Variants in MORN1 observed in about 807,000 individuals in gnomAD.
MORN1 encodes the protein MORN repeat containing 1.
In MORN1, 67 loss-of-function variants were observed where a neutral mutation model predicts 61.9. The observed-to-expected ratio is 1.08, with a 90% confidence interval of 0.89 to 1.33. MORN1 has a LOEUF of 1.33. MORN1 is among the 40% of genes most tolerant of loss of function. MORN1 has a pLI of 0.00. For synonymous variants in MORN1, 301 were observed against 292.0 expected, an observed-to-expected ratio of 1.03 and a Z score of -0.31; for missense variants, 752 against 691.2, an observed-to-expected ratio of 1.09 and a Z score of -0.99.
chr1:2,338,093 G>A (rs1431402994), intron 10 of MORN1, among the ~76,000 whole-genome samples: 2 of 152,172 alleles, frequency 1.3e-5, no homozygotes, highest in African/African-American at 4.8e-5. Context: ...GGCTCTGAGT[G>A]AGTGGAGGGG....
At chr1:2,324,898 G>A (rs890539431) in intron 12 of MORN1, among the ~76,000 whole-genome samples, 3 of 151,916 alleles carry the variant, frequency 2.0e-5, no homozygotes, top group Middle Eastern at 3.2e-3. Flanking sequence ...CAGGATCTGG[G>A]TCAGGGAAGC....
chr1:2,339,540 A>C (rs773834160), intron 10 of MORN1, among the ~76,000 whole-genome samples: 2 of 152,096 alleles, frequency 1.3e-5, no homozygotes. Context: ...TGCACCCACA[A>C]TTTCTGCAGC....
intron 2 of MORN1, among the ~76,000 whole-genome samples, chr1:2,388,899 G>A (rs968395037): frequency 6.6e-6 from 1 of 151,934 alleles, no homozygotes; most frequent in African/African-American, 2.4e-5. Flanking sequence ...ATCACCTGAG[G>A]TCAGGAGTTC....
intron 13 of MORN1, chr1:2,323,871 C>T (rs1230188109): frequency 3.0e-6 from 3 of 985,164 alleles, no homozygotes; most frequent in Admixed American, 1.2e-4. Flanking sequence ...GCTGTGTCGG[C>T]CCAGCTTCAA....
At chr1:2,322,689 G>A (rs1000557843) in intron 13 of MORN1, 22 of 985,330 alleles carry the variant, frequency 2.2e-5, no homozygotes, top group Middle Eastern at 5.2e-4. Context: ...ACATGGCAAC[G>A]CCACAGTGTT....
intron 6 of MORN1, chr1:2,377,283 G>A (rs1009896135): frequency 6.6e-6 from 1 of 152,372 alleles, no homozygotes; most frequent in Non-Finnish European, 1.5e-5. Context: ...AAGTCAGGAA[G>A]CAGTCGTGCA....
Position 2,337,496 on chromosome 1 carries a change from G to A in MORN1, c.1037-646C>T, listed in dbSNP as rs769237012. 4.3e-4 allele frequency among the ~76,000 whole-genome samples: 65 copies of A among 152,238 alleles called. No homozygotes were observed. Among genetic ancestry groups the A allele is most frequent in the Non-Finnish European group, 8.2e-4 (56 of 67,994 alleles). On this transcript the variant is annotated intron_variant, in intron 10 of 13. Transcript: ENST00000378531. This position sits in a 1 kb window ranked among gnomAD's most constrained non-coding sequence, Gnocchi z 5.7. ...CCTAGCTTTTTCCAGCCCCTCTCCC[G>A]GGGTCCCAGGGTGCGAGGTATGGGG...
At chr1:2,379,122 G>C in intron 6 of MORN1, 1 of 471,190 alleles carries the variant, frequency 2.1e-6, no homozygotes, top group South Asian at 1.5e-5. Context: ...CTGTCGAGAG[G>C]GAGAACAGGT....
At position 2,334,829 on chromosome 1, in the gene MORN1, C is replaced by T. The variant is rs1309571492; in HGVS notation, c.1250+1640G>A. Among the ~76,000 whole-genome samples the T allele has an allele frequency of 6.6e-6, 1 of 152,210 alleles. No homozygotes were observed. The highest frequency in any genetic ancestry group is 6.5e-5 in the Admixed American group (1 of 15,282). ...TCTCTCAGGTGGAAAAGAACGAAAG[C>T]CTTCTTTCTGCTGAAATAAGACGTT... On this transcript the variant is annotated intron_variant, in intron 12 of 13. Transcript: ENST00000378531. The surrounding 1 kb of genome is among the most constrained non-coding windows in gnomAD (Gnocchi z 5.4).
chr1:2,385,724 T>G, intron 5 of MORN1, 83 bp downstream of exon 5: 1 of 1,320,976 alleles, frequency 7.6e-7, no homozygotes, highest in Non-Finnish European at 1.1e-6. Context: ...GGCAGTCCTG[T>G]CTACACCCCC....
At chr1:2,390,816 T>G (rs1394574180) in intron 1 of MORN1, 1 of 902,894 alleles carries the variant, frequency 1.1e-6, no homozygotes, top group Non-Finnish European at 1.3e-6. Context: ...CGGCGCGATC[T>G]CGGCTCTCTG....
intron 10 of MORN1, among the ~76,000 whole-genome samples, chr1:2,348,733 A>ACGCACACGCC (rs1195178719): frequency 7.8e-6 from 1 of 128,714 alleles, no homozygotes; most frequent in African/African-American, 3.1e-5. Context: ...ACGCACACGC[A>ACGCACACGCC]CACCTGCGCG....
In MORN1 at chr1:2,337,543, C is replaced by T. The variant is rs573895951; in HGVS notation, c.1037-693G>A. Among the ~76,000 whole-genome samples, 35 of 152,330 alleles carry T rather than the reference C, an allele frequency of 2.3e-4. No homozygotes were observed. Among genetic ancestry groups the T allele is most frequent in the Non-Finnish European group, 2.1e-4 (14 of 68,036 alleles). On this transcript the variant is annotated intron_variant, in intron 10 of 13. Coordinates refer to ENST00000378531, the MANE Select transcript of MORN1 (RefSeq NM_024848.3). The surrounding 1 kb of genome is among the most constrained non-coding windows in gnomAD (Gnocchi z 5.7). ...GGGGGCTCCCCTCTGGCTTCCCCCA[C>T]GCACAGATGGAGCTGCAGCCCCCAG...
At chr1:2,365,058 C>T (rs1393627723) in intron 8 of MORN1, among the ~76,000 whole-genome samples, 1 of 151,996 alleles carries the variant, frequency 6.6e-6, no homozygotes, top group East Asian at 1.9e-4. Context: ...TTTTTTGGTG[C>T]CATATGAACT....
At chr1:2,363,056 G>A (rs562146653) in intron 8 of MORN1, 2 of 152,290 alleles carry the variant, frequency 1.3e-5, no homozygotes, top group South Asian at 2.1e-4. Context: ...TGGGTCAACA[G>A]AAGAGACTGC....
In MORN1 at chr1:2,387,210, C is replaced by T. The variant is rs776921140; in HGVS notation, c.358+209G>A. ...TAGCGGATGACAGAGCTGCATCAAG[C>T]GCCGCAGGACCCGCTGGGCATACTG... On this transcript the variant is annotated intron_variant, in intron 4 of 13. Transcript: ENST00000378531. 26 of 588,042 alleles carry T rather than the reference C, an allele frequency of 4.4e-5. No individual in the cohort carries two copies. In the Admixed American group the frequency reaches 5.9e-4, roughly 13 times the overall value. 36.4% of individuals were successfully genotyped at this position (588,042 alleles called of 1,614,324 possible). A position where few individuals can be genotyped will look rare whatever the true frequency, so the allele number is the denominator to read the frequency against.
At chr1:2,384,899 C>A in intron 6 of MORN1, 79 bp downstream of exon 6, 1 of 1,254,676 alleles carries the variant, frequency 8.0e-7, no homozygotes, top group Non-Finnish European at 1.1e-6. Flanking sequence ...CAGGGTGAGG[C>A]TCCCCATACA....
chr1:2,376,820 C>A (rs1642248914), intron 6 of MORN1: 1 of 152,130 alleles, frequency 6.6e-6, no homozygotes, highest in African/African-American at 2.4e-5. Flanking sequence ...GATCCAATAG[C>A]CCGGTCTTGT....
chr1:2,351,720 T>C (rs1641652160), intron 10 of MORN1: 1 of 505,916 alleles, frequency 2.0e-6, no homozygotes, highest in Admixed American at 2.4e-5. Flanking sequence ...CTTTCTGAAC[T>C]CATCACAATC....
Sources: allele counts gnomAD v4.1 joint callset (sites outside exome capture counted in the v4.1 genomes callset), GRCh38; gene constraint gnomAD v4.1.1; non-coding constraint Gnocchi (gnomAD v3.1); transcripts MANE v1.5; gene names NCBI Gene and HGNC (gene_info 2026-07-23, HGNC 2026-07-21).